Variants in GASK1B observed in about 807,000 individuals in gnomAD.
GASK1B encodes Golgi-associated kinase 1B.
A neutral mutation model predicts 42.8 loss-of-function variants in GASK1B; 34 were observed. That is an observed-to-expected ratio of 0.79 (90% CI 0.60 to 1.06). The LOEUF is 1.06. Ranked by LOEUF, GASK1B falls within the 50% of genes least tolerant of loss-of-function variation. The pLI is 0.00. For missense variants in GASK1B, 686 were observed against 661.0 expected (o/e 1.04, Z -0.42); for synonymous variants, 262 against 259.1 (o/e 1.01, Z -0.11).
intron 3 of GASK1B, among the ~76,000 whole-genome samples, chr4:158,151,103 T>A (rs756109303): frequency 1.2e-4 from 18 of 152,164 alleles, no homozygotes; most frequent in Non-Finnish European, 5.9e-5. Context: ...AACGGAAAAG[T>A]TTTTTTCTAA....
At chr4:158,170,017 T>C (rs1171709831) in intron 2 of GASK1B, 1 of 562,454 alleles carries the variant, frequency 1.8e-6, no homozygotes, top group Non-Finnish European at 3.1e-6. Context: ...CTTAAGAAGA[T>C]TCCATCTGCT....
At chr4:158,155,538 C>T (rs768999157) in intron 3 of GASK1B, 73 bp downstream of exon 3, 1 of 1,261,470 alleles carries the variant, frequency 7.9e-7, no homozygotes, top group Non-Finnish European at 1.1e-6. Flanking sequence ...AGGTGCTGAA[C>T]ATTCCTTAGT....
chr4:158,157,453 G>T (rs1339334884), intron 2 of GASK1B, among the ~76,000 whole-genome samples: 1 of 151,964 alleles, frequency 6.6e-6, no homozygotes, highest in Non-Finnish European at 1.5e-5. Context: ...TATTTTAAAA[G>T]AATAAATTCC....
intron 2 of GASK1B, among the ~76,000 whole-genome samples, chr4:158,156,732 C>T (rs1313455912): frequency 6.6e-6 from 1 of 152,062 alleles, no homozygotes; most frequent in Non-Finnish European, 1.5e-5. Context: ...TGGTGTGGAG[C>T]AACTTTGCTT....
At chr4:158,143,674 C>A (rs1731221535) in intron 3 of GASK1B, among the ~76,000 whole-genome samples, 1 of 152,054 alleles carries the variant, frequency 6.6e-6, no homozygotes, top group Non-Finnish European at 1.5e-5. Context: ...AAATCTCAAA[C>A]CTGGCATATT....
intron 3 of GASK1B, among the ~76,000 whole-genome samples, chr4:158,139,619 T>C (rs1731039364): frequency 6.6e-6 from 1 of 152,210 alleles, no homozygotes. Flanking sequence ...GAGTATTCAT[T>C]TGTGGTTATT....
chr4:158,164,201 A>G (rs960520640), intron 2 of GASK1B, among the ~76,000 whole-genome samples: 1 of 152,238 alleles, frequency 6.6e-6, no homozygotes. Context: ...CAGTGACTAG[A>G]ATAGTGGCTA....
intron 2 of GASK1B, chr4:158,159,746 G>A (rs983487841): frequency 2.0e-4 from 34 of 173,082 alleles, no homozygotes; most frequent in African/African-American, 8.1e-4. Context: ...TCTGAAATCT[G>A]AATATTTCCG....
At chr4:158,131,851 C>A (rs1730695726) in intron 3 of GASK1B, among the ~76,000 whole-genome samples, 1 of 152,092 alleles carries the variant, frequency 6.6e-6, no homozygotes, top group Non-Finnish European at 1.5e-5. Flanking sequence ...AATGTAAACG[C>A]CTGAGTAACA....
chr4:158,159,861 A>G (rs1219000075), intron 2 of GASK1B, among the ~76,000 whole-genome samples: 1 of 152,182 alleles, frequency 6.6e-6, no homozygotes, highest in African/African-American at 2.4e-5. Context: ...TGCTTTACAC[A>G]ATCTTCTTTG....
At chr4:158,170,142 C>G in intron 2 of GASK1B, 2 of 1,283,580 alleles carry the variant, frequency 1.6e-6, no homozygotes, top group Non-Finnish European at 2.2e-6. Flanking sequence ...GCCTAGCTTC[C>G]TCTCCTCATC....
At chr4:158,140,498 C>T (rs1417436359) in intron 3 of GASK1B, among the ~76,000 whole-genome samples, 1 of 152,190 alleles carries the variant, frequency 6.6e-6, no homozygotes, top group East Asian at 1.9e-4. Context: ...ACATTGAGCC[C>T]AATGAGTATC....
Position 158,127,501 on chromosome 4 carries a change from A to T in GASK1B, c.1466T>A (p.Ile489Asn), listed in dbSNP as rs774545799. 1.2e-6 allele frequency: 2 copies of T among 1,613,810 alleles called. No homozygotes were observed. The highest frequency in any genetic ancestry group is 2.2e-5 in the South Asian group (2 of 91,078). ...YWESQGGRQGIEKLIDVIEHR... is the reference protein window; with the variant it reads ...YWESQGGRQGNEKLIDVIEHR... ...TTCTATTACATCGATAAGCTTTTCA[A>T]TTCCTTGTCTACCTCCTTGACTTTC... The change falls in exon 5 of 5, where the codon ATT becomes AAT. Residue 489 changes from isoleucine to asparagine, a missense_variant. By Grantham distance (149) the Ile-to-Asn change is moderately radical (BLOSUM62 -3). Coordinates refer to ENST00000585682, the MANE Select transcript of GASK1B (RefSeq NM_001128424.2).
chr4:158,172,736 G>A (rs1732610976), intron 1 of GASK1B, 132 bp downstream of exon 1: 1 of 152,092 alleles, frequency 6.6e-6, no homozygotes, highest in Non-Finnish European at 1.5e-5. Flanking sequence ...AAAAGATCGA[G>A]AATGTTTGCT....
intron 3 of GASK1B, among the ~76,000 whole-genome samples, chr4:158,150,735 T>C (rs981597922): frequency 6.6e-6 from 1 of 152,186 alleles, no homozygotes; most frequent in Non-Finnish European, 1.5e-5. Context: ...AGATAATGCA[T>C]ATATAATGCT....
chr4:158,169,819 C>T (rs540416221), intron 2 of GASK1B: 113 of 169,772 alleles, frequency 6.7e-4, no homozygotes, highest in African/African-American at 2.6e-3. Context: ...TCACCCAAGA[C>T]GGGAGAATCT....
chr4:158,134,389 C>A (rs753050858), intron 3 of GASK1B, among the ~76,000 whole-genome samples: 23 of 152,260 alleles, frequency 1.5e-4, no homozygotes, highest in Admixed American at 3.9e-4. Flanking sequence ...TAGTGTACAT[C>A]TACGTGTCTG....
chr4:158,140,411 TTAACC>T (rs1216208196), intron 3 of GASK1B, among the ~76,000 whole-genome samples: 1 of 152,202 alleles, frequency 6.6e-6, no homozygotes, highest in African/African-American at 2.4e-5. Context: ...CACTTAACCC[TTAACC>T]CTCTTTGAAT....
intron 2 of GASK1B, chr4:158,159,410 C>T (rs1302435201): frequency 5.6e-6 from 2 of 354,268 alleles, no homozygotes; most frequent in East Asian, 1.6e-4. Context: ...AGAATTCCAC[C>T]TCTTTTAATA....
Sources: allele counts gnomAD v4.1 joint callset (sites outside exome capture counted in the v4.1 genomes callset), GRCh38; gene constraint gnomAD v4.1.1; transcripts MANE v1.5; gene names NCBI Gene and HGNC (gene_info 2026-07-23, HGNC 2026-07-21).